The following MBNL2 variants were observed in gnomAD, a reference collection of about 807,000 sequenced individuals.
The protein encoded by MBNL2 is muscleblind like splicing regulator 2.
In MBNL2, 17 loss-of-function variants were observed where a neutral mutation model predicts 41.9. That is an observed-to-expected ratio of 0.41 (90% CI 0.28 to 0.61). The LOEUF is 0.61. Ranked by LOEUF, MBNL2 falls within the 20% of genes least tolerant of loss-of-function variation. The pLI, the probability that MBNL2 is intolerant of heterozygous loss-of-function variation, is 0.35. For missense variants in MBNL2, 336 were observed against 505.6 expected (o/e 0.66, Z 3.22); for synonymous variants, 195 against 182.9 (o/e 1.07, Z -0.53).
At chr13:97,234,216 C>T (rs2042886769) in intron 1 of MBNL2, among the ~76,000 whole-genome samples, 1 of 152,190 alleles carries the variant, frequency 6.6e-6, no homozygotes, top group South Asian at 2.1e-4. Context: ...CACTCTTCAT[C>T]CTTGTTCAGG....
At chr13:97,165,140 GT>G in the MBNL2 span, among the ~76,000 whole-genome samples, 2 of 152,056 alleles carry the variant, frequency 1.3e-5, no homozygotes, top group Non-Finnish European at 2.9e-5. Flanking sequence ...GAAGGTGGAG[GT>G]TGCAGTGAGC....
intron 7 of MBNL2, among the ~76,000 whole-genome samples, chr13:97,362,514 T>C (rs892488192): frequency 6.6e-6 from 1 of 152,076 alleles, no homozygotes; most frequent in East Asian, 1.9e-4. Flanking sequence ...AGTTCAAAAA[T>C]AGGGCAAATG....
chr13:97,337,086 A>T (rs2060949979), intron 3 of MBNL2, among the ~76,000 whole-genome samples: 1 of 152,096 alleles, frequency 6.6e-6, no homozygotes, highest in African/African-American at 2.4e-5. Context: ...CTAAGGGCCT[A>T]TGGGGAGGCG....
At chr13:97,316,028 T>C (rs192593950) in intron 2 of MBNL2, among the ~76,000 whole-genome samples, 10 of 152,342 alleles carry the variant, frequency 6.6e-5, no homozygotes, top group Admixed American at 2.6e-4. Context: ...TCCTGGACTC[T>C]AGATTCCTGG....
Position 97,290,701 on chromosome 13 carries a change from A to G in MBNL2, c.174+14292A>G, listed in dbSNP as rs1276660947. On this transcript the variant is annotated intron_variant, in intron 2 of 8. Coordinates refer to ENST00000679496, the MANE Select transcript of MBNL2 (RefSeq NM_001382683.1). Reference sequence around the variant, plus strand: ...CCGTCTCAAAAAAAAAAAAAAAAAAAGAAAGAAACAGCCCTCCTTTCCCAC... The same window carrying G: ...CCGTCTCAAAAAAAAAAAAAAAAAAGGAAAGAAACAGCCCTCCTTTCCCAC... 6.3e-4 allele frequency among the ~76,000 whole-genome samples: 93 copies of G among 146,988 alleles called. No homozygotes were observed. In the South Asian group the frequency reaches 0.019, roughly 31 times the overall value.
intron 2 of MBNL2, among the ~76,000 whole-genome samples, chr13:97,282,486 T>C (rs1414942653): frequency 2.0e-5 from 3 of 152,204 alleles, no homozygotes. Flanking sequence ...ATGTTGTATT[T>C]GTTTCTGTTT....
At chr13:97,311,754 CAT>C (rs1170587506) in intron 2 of MBNL2, among the ~76,000 whole-genome samples, 5 of 151,728 alleles carry the variant, frequency 3.3e-5, no homozygotes, top group South Asian at 2.1e-4. Context: ...CTGAATTAAA[CAT>C]GTGAGGAAAT....
intron 1 of MBNL2, among the ~76,000 whole-genome samples, chr13:97,248,337 A>G (rs971498992): frequency 6.6e-6 from 1 of 152,198 alleles, no homozygotes; most frequent in African/African-American, 2.4e-5. Context: ...GGGTTTCACC[A>G]TGTTGGCCAG....
At chr13:97,163,408 C>G in the MBNL2 span, among the ~76,000 whole-genome samples, 3 of 151,602 alleles carry the variant, frequency 2.0e-5, no homozygotes, top group African/African-American at 7.3e-5. Context: ...TGGGATGGGA[C>G]AGGGTGGAAG....
intron 1 of MBNL2, among the ~76,000 whole-genome samples, chr13:97,239,234 A>G (rs1284433715): frequency 6.6e-6 from 1 of 152,222 alleles, no homozygotes; most frequent in African/African-American, 2.4e-5. Context: ...AGGCTAATTC[A>G]TGTGCCTAGA....
At chr13:97,216,104 TAAA>T in the MBNL2 span, among the ~76,000 whole-genome samples, 1 of 152,278 alleles carries the variant, frequency 6.6e-6, no homozygotes, top group African/African-American at 2.4e-5. Flanking sequence ...GGAGAAAAAT[TAAA>T]AACCAGTTGA....
intron 2 of MBNL2, among the ~76,000 whole-genome samples, chr13:97,327,479 G>C (rs955184418): frequency 7.0e-6 from 1 of 143,356 alleles, no homozygotes; most frequent in African/African-American, 2.6e-5. Context: ...GTCAGAAGGA[G>C]TTGAGATATA....
chr13:97,377,173 C>A (rs2065040219), intron 8 of MBNL2, among the ~76,000 whole-genome samples: 1 of 152,182 alleles, frequency 6.6e-6, no homozygotes, highest in Non-Finnish European at 1.5e-5. Flanking sequence ...ATGATCCCCT[C>A]TCTAGCGATG....
Position 97,361,758 on chromosome 13 carries a change from A to ATT in MBNL2, c.1013-3350_1013-3349dup, listed in dbSNP as rs71117641. On this transcript the variant is annotated intron_variant, in intron 7 of 8. Transcript: ENST00000679496. The stretch of plus-strand genomic sequence containing the variant: ...ATAAGAGCGGATTTTTATAGGCGTA[A>ATT]TTTTTTTTTTTTTTTTTTTTTTTTT... Among the ~76,000 whole-genome samples the ATT allele has an allele frequency of 1.7e-3, 98 of 56,372 alleles. 2 individuals carry two copies. Among genetic ancestry groups the ATT allele is most frequent in the African/African-American group, 6.2e-3 (90 of 14,484 alleles). The allele number at this position is 56,372 out of a possible 152,430, so 37.0% of individuals were successfully genotyped here.
upstream of MBNL2, chr13:97,222,175 A>T (rs1455707090): frequency 2.7e-6 from 1 of 372,092 alleles, no homozygotes; most frequent in Non-Finnish European, 4.8e-6. Flanking sequence ...GTATGGATGC[A>T]CTGTTTTTAC....
At chr13:97,142,966 G>A in the MBNL2 span, among the ~76,000 whole-genome samples, 1 of 152,242 alleles carries the variant, frequency 6.6e-6, no homozygotes, top group South Asian at 2.1e-4. Context: ...TTCCCAAGAA[G>A]CACCGGATCA....
chr13:97,233,175 ATCTTTT>A (rs2042691665), intron 1 of MBNL2, among the ~76,000 whole-genome samples: 1 of 94,086 alleles, frequency 1.1e-5, no homozygotes, highest in Non-Finnish European at 2.1e-5. Context: ...ATATATATAT[ATCTTTT>A]TATTATACTT....
At chr13:97,225,493 CAT>C (rs1281536651) in intron 1 of MBNL2, among the ~76,000 whole-genome samples, 1 of 152,066 alleles carries the variant, frequency 6.6e-6, no homozygotes, top group Non-Finnish European at 1.5e-5. Context: ...TTGTTGAAAA[CAT>C]AGTTTTGGGG....
chr13:97,258,376 C>T (rs2047960664), intron 1 of MBNL2, among the ~76,000 whole-genome samples: 1 of 152,142 alleles, frequency 6.6e-6, no homozygotes, highest in Non-Finnish European at 1.5e-5. Context: ...CATTGCTCAT[C>T]GATGGCGATT....
Sources: allele counts gnomAD v4.1 joint callset (sites outside exome capture counted in the v4.1 genomes callset), GRCh38; gene constraint gnomAD v4.1.1; transcripts MANE v1.5; gene names NCBI Gene and HGNC (gene_info 2026-07-23, HGNC 2026-07-21).